CSF2RA: variants seen among roughly 807,000 people sequenced by gnomAD.
CSF2RA encodes colony stimulating factor 2 receptor subunit alpha.
CSF2RA carries 42 observed loss-of-function variants against 51.6 expected under a neutral mutation model. The ratio of observed to expected loss-of-function variants is 0.81; its 90% CI spans 0.64 to 1.05. The LOEUF is 1.05. Among genes scored for constraint, CSF2RA ranks in the 50% least tolerant of loss-of-function variants. The pLI, the probability that CSF2RA is intolerant of heterozygous loss-of-function variation, is 0.00. For missense variants in CSF2RA, 530 were observed against 501.1 expected, an observed-to-expected ratio of 1.06 and a Z score of -0.55; for synonymous variants, 222 against 193.0, an observed-to-expected ratio of 1.15 and a Z score of -1.24.
intron 1 of CSF2RA, among the ~76,000 whole-genome samples, chrX:1,273,747 A>ATTT (rs749510441): frequency 8.2e-6 from 1 of 122,474 alleles, no homozygotes; most frequent in Non-Finnish European, 1.6e-5. Flanking sequence ...CGCCCAGCTA[A>ATTT]TTTTTTTTTT....
At chrX:1,295,747 C>T (rs1294941303) in intron 9 of CSF2RA, among the ~76,000 whole-genome samples, 1 of 150,912 alleles carries the variant, frequency 6.6e-6, no homozygotes, top group Non-Finnish European at 1.5e-5. Context: ...TCCACAGAGA[C>T]CCAGTATAGA....
chrX:1,288,840 C>A lies in CSF2RA; in HGVS notation c.425C>A (p.Pro142Gln), dbSNP rs151058706. The A allele has an allele frequency of 6.2e-7, 1 of 1,613,896 alleles. No individual in the cohort carries two copies. The highest frequency in any genetic ancestry group is 8.5e-7 in the Non-Finnish European group (1 of 1,179,862). ...ATGAACTGTACCTGGGCGAGGGGTC[C>A]GACGGCCCCCCGTGACGTCCAGTAT... ...DLMNCTWARG[P>Q]TAPRDVQYFL... The change falls in exon 6 of 13, where the codon CCG becomes CAG. Residue 142 changes from proline to glutamine, a missense_variant. Physicochemically the swap from Pro to Gln is moderately conservative, Grantham distance 76. Coordinates refer to ENST00000381529, the MANE Select transcript of CSF2RA (RefSeq NM_172245.4).
intron 7 of CSF2RA, chrX:1,293,783 C>A: frequency 4.9e-6 from 2 of 411,606 alleles, no homozygotes; most frequent in Non-Finnish European, 9.1e-6. Flanking sequence ...CAGGAGGAGA[C>A]CCTGCCCCAC....
At chrX:1,276,441 T>C (rs2089206522) in intron 2 of CSF2RA, among the ~76,000 whole-genome samples, 1 of 152,034 alleles carries the variant, frequency 6.6e-6, no homozygotes, top group African/African-American at 2.4e-5. Context: ...TGGCATGATC[T>C]TGGCTCACGG....
At chrX:1,282,419 C>G in intron 2 of CSF2RA, 1 of 572,416 alleles carries the variant, frequency 1.7e-6, no homozygotes, top group Non-Finnish European at 3.1e-6. Flanking sequence ...GTCAGCTGAG[C>G]CATGACCCAT....
intron 2 of CSF2RA, 36 bp downstream of exon 2, chrX:1,274,854 G>A (rs1410118337): frequency 2.2e-6 from 1 of 453,230 alleles, no homozygotes; most frequent in Non-Finnish European, 4.4e-6. Context: ...TAATGTGGTT[G>A]GGGATTTTCT....
the CSF2RA span, among the ~76,000 whole-genome samples, chrX:1,321,891 G>A: frequency 0.68 from 103,496 of 151,762 alleles, 35,670 homozygotes; most frequent in Non-Finnish European, 0.75. Context: ...ATCACTTTGG[G>A]AGGCCGAGGT....
intron 10 of CSF2RA, among the ~76,000 whole-genome samples, chrX:1,300,934 A>T (rs370871022): frequency 1.8e-4 from 27 of 151,878 alleles, no homozygotes; most frequent in African/African-American, 6.5e-4. Flanking sequence ...CCGGCGGATC[A>T]CCGGAGGTCA....
In CSF2RA at chrX:1,288,876, T is replaced by A; in HGVS notation, c.461T>A (p.Ile154Lys). Reference sequence around the variant, plus strand: ...CGTGACGTCCAGTATTTTTTGTACATACGAAACTCAAAGTAAGTGTTCACC... The same window carrying A: ...CGTGACGTCCAGTATTTTTTGTACAAACGAAACTCAAAGTAAGTGTTCACC... ...APRDVQYFLY[I>K]RNSKRRREIR... The change falls in exon 6 of 13, where the codon ATA (isoleucine) becomes AAA (lysine). Residue 154 changes from isoleucine to lysine, a missense_variant. Ile to Lys is a moderately radical substitution (Grantham distance 102). Coordinates refer to ENST00000381529, the MANE Select transcript of CSF2RA (RefSeq NM_172245.4). 1 of 1,607,890 alleles carries A rather than the reference T, an allele frequency of 6.2e-7. No homozygotes were observed. Among genetic ancestry groups the A allele is most frequent in the Non-Finnish European group, 8.5e-7 (1 of 1,177,264 alleles).
At chrX:1,296,020 C>T (rs1256547201) in intron 9 of CSF2RA, among the ~76,000 whole-genome samples, 1 of 151,266 alleles carries the variant, frequency 6.6e-6, no homozygotes, top group African/African-American at 2.4e-5. Context: ...ACTCACGACG[C>T]CTACAGTTCC....
At chrX:1,324,982 G>T in the CSF2RA span, among the ~76,000 whole-genome samples, 23 of 152,030 alleles carry the variant, frequency 1.5e-4, no homozygotes, top group Admixed American at 1.5e-3. Context: ...TCAGCTGTCT[G>T]TGCCCCAAAC....
At chrX:1,317,246 CTTTT>C in the CSF2RA span, among the ~76,000 whole-genome samples, 3 of 57,828 alleles carry the variant, frequency 5.2e-5, no homozygotes, top group African/African-American at 7.4e-5. Context: ...CCACGCTCAG[CTTTT>C]TTTTTTTTTT....
chrX:1,269,287 G>T (rs2088018419), intron 1 of CSF2RA, among the ~76,000 whole-genome samples: 1 of 152,082 alleles, frequency 6.6e-6, no homozygotes, highest in African/African-American at 2.4e-5. Flanking sequence ...GAATTATCAC[G>T]TGAATTCACA....
chrX:1,274,652 AG>A (rs2088925451), intron 1 of CSF2RA, 102 bp from the exon 2 acceptor site: 27 of 409,902 alleles, frequency 6.6e-5, no homozygotes, highest in South Asian at 4.1e-4. Flanking sequence ...AAACCTTTGT[AG>A]TACCTTATTT....
the CSF2RA span, among the ~76,000 whole-genome samples, chrX:1,317,719 A>G: frequency 2.6e-5 from 4 of 151,910 alleles, no homozygotes; most frequent in East Asian, 5.8e-4. Context: ...GCTCCCAGGG[A>G]GGTACAAGCT....
rs149323750 is a variant in CSF2RA at position 1,288,026 on chromosome X, G to A, written c.220-493G>A. Among the ~76,000 whole-genome samples the A allele has an allele frequency of 9.1e-4, 137 of 150,564 alleles. 3 individuals are homozygous for A. In the East Asian group the frequency reaches 0.021, roughly 23 times the overall value. On this transcript the variant is annotated intron_variant, in intron 4 of 12. Coordinates refer to ENST00000381529, the MANE Select transcript of CSF2RA (RefSeq NM_172245.4). Reference sequence around the variant, plus strand: ...TGCTGGGATTACAGGTGTGAGCCACGGCACCTGGCCTCTAGTCTGGTACTT... The same window carrying A: ...TGCTGGGATTACAGGTGTGAGCCACAGCACCTGGCCTCTAGTCTGGTACTT...
intron 1 of CSF2RA, among the ~76,000 whole-genome samples, chrX:1,270,608 C>T (rs1242937041): frequency 6.6e-6 from 1 of 151,964 alleles, no homozygotes; most frequent in East Asian, 1.9e-4. Flanking sequence ...GATATCAACA[C>T]ATCAGGAGGT....
At chrX:1,278,112 T>C (rs1299432070) in intron 2 of CSF2RA, among the ~76,000 whole-genome samples, 1 of 146,296 alleles carries the variant, frequency 6.8e-6, no homozygotes, top group Admixed American at 6.9e-5. Flanking sequence ...GGCAGGTGGA[T>C]CACCTGAGGT....
chrX:1,285,443 C>T (rs1293992765), intron 3 of CSF2RA, among the ~76,000 whole-genome samples: 7 of 151,948 alleles, frequency 4.6e-5, no homozygotes, highest in Middle Eastern at 3.4e-3. Context: ...CCTGTTATCC[C>T]AGCACTTCGG....
Sources: gnomAD v4.1 joint callset for allele counts (sites outside exome capture counted in the v4.1 genomes callset) on GRCh38, gnomAD v4.1.1 for gene constraint, MANE v1.5 for transcripts, NCBI Gene and HGNC (gene_info 2026-07-23, HGNC 2026-07-21) for gene names.